The following SUPT3H variants were observed in gnomAD, a reference collection of about 807,000 sequenced individuals.
The protein encoded by SUPT3H is SPT3 homolog, SAGA and STAGA complex component.
SUPT3H carries 44 observed loss-of-function variants against 44.3 expected under a neutral mutation model. That is an observed-to-expected ratio of 0.99 (90% CI 0.78 to 1.28). The LOEUF is 1.28. Ranked by LOEUF, SUPT3H falls within the 50% of genes most tolerant of loss-of-function variation. The pLI is 0.00. For synonymous variants in SUPT3H, 124 were observed against 125.6 expected (o/e 0.99, Z 0.09); for missense variants, 380 against 387.1 (o/e 0.98, Z 0.15).
intron 2 of SUPT3H, among the ~76,000 whole-genome samples, chr6:45,222,560 T>C (rs1018574741): frequency 6.6e-6 from 1 of 152,074 alleles, no homozygotes; most frequent in Non-Finnish European, 1.5e-5. Context: ...GATAAGAATA[T>C]GGAGAAAGTG....
At chr6:45,116,793 T>C (rs1800911070) in intron 2 of SUPT3H, among the ~76,000 whole-genome samples, 1 of 152,128 alleles carries the variant, frequency 6.6e-6, no homozygotes, top group Non-Finnish European at 1.5e-5. Flanking sequence ...TTAGTAAATT[T>C]ACAGGGTTTT....
chr6:45,117,377 CTG>C (rs1562492039), intron 2 of SUPT3H, among the ~76,000 whole-genome samples: 1 of 152,078 alleles, frequency 6.6e-6, no homozygotes, highest in East Asian at 1.9e-4. Flanking sequence ...TACTCTAAAA[CTG>C]TGACATTACC....
chr6:44,892,431 C>G (rs551063183), intron 10 of SUPT3H, among the ~76,000 whole-genome samples: 1 of 152,120 alleles, frequency 6.6e-6, no homozygotes, highest in African/African-American at 2.4e-5. Context: ...CACCCAGCAG[C>G]TTGATCTTGG....
chr6:45,172,355 G>A (rs780545134), intron 2 of SUPT3H, among the ~76,000 whole-genome samples: 1 of 152,024 alleles, frequency 6.6e-6, no homozygotes, highest in Non-Finnish European at 1.5e-5. Context: ...ACAGGCATGA[G>A]CCACTGTGCC....
Position 44,951,187 on chromosome 6 carries a change from T to C in SUPT3H, c.801+2123A>G, listed in dbSNP as rs1182675747. Among the ~76,000 whole-genome samples the C allele has an allele frequency of 2.0e-5, 3 of 152,148 alleles. No homozygotes were observed. In the East Asian group the frequency reaches 5.8e-4, roughly 29 times the overall value. ...CTACCTTATCATAGTCCTATTTTTC[T>C]TTTAACCTTAGCTTTCTCTCTAAAG... On this transcript the variant is annotated intron_variant, in intron 9 of 10. Coordinates refer to ENST00000371459, the MANE Select transcript of SUPT3H (RefSeq NM_003599.4).
chr6:44,988,430 A>G (rs1052848918), intron 6 of SUPT3H, among the ~76,000 whole-genome samples: 3 of 150,454 alleles, frequency 2.0e-5, no homozygotes, highest in Admixed American at 2.0e-4. Context: ...TTTGGAAAAT[A>G]TATATCTATA....
At chr6:44,978,494 A>C (rs572498277) in intron 6 of SUPT3H, among the ~76,000 whole-genome samples, 1 of 152,344 alleles carries the variant, frequency 6.6e-6, no homozygotes, top group Admixed American at 6.5e-5. Flanking sequence ...AGTATACTAC[A>C]AACAGTTTGG....
At chr6:44,915,285 G>T (rs928870115) in intron 10 of SUPT3H, among the ~76,000 whole-genome samples, 2 of 152,182 alleles carry the variant, frequency 1.3e-5, no homozygotes, top group Non-Finnish European at 2.9e-5. Flanking sequence ...GTAACTATCA[G>T]ATGCTAAGAT....
intron 9 of SUPT3H, among the ~76,000 whole-genome samples, chr6:44,937,896 CTA>C (rs1771728383): frequency 1.6e-5 from 2 of 128,474 alleles, no homozygotes; most frequent in African/African-American, 3.0e-5. Flanking sequence ...TCTTTGCTCA[CTA>C]TCTTTTTTTT....
chr6:45,237,488 CTCAAAG>C (rs941063445), intron 2 of SUPT3H, among the ~76,000 whole-genome samples: 2 of 152,052 alleles, frequency 1.3e-5, no homozygotes, highest in African/African-American at 4.8e-5. Context: ...TTGTACAGCC[CTCAAAG>C]TCAAAGTATG....
At chr6:45,272,235 G>A (rs988531355) in intron 2 of SUPT3H, among the ~76,000 whole-genome samples, 3 of 152,166 alleles carry the variant, frequency 2.0e-5, no homozygotes, top group Non-Finnish European at 4.4e-5. Flanking sequence ...AGATTTGGGA[G>A]GGGCTAGGGA....
At chr6:44,899,472 G>A (rs1312220179) in intron 10 of SUPT3H, among the ~76,000 whole-genome samples, 1 of 152,142 alleles carries the variant, frequency 6.6e-6, no homozygotes, top group Non-Finnish European at 1.5e-5. Context: ...CAGATCACGA[G>A]GTCAGGAGTT....
intron 2 of SUPT3H, among the ~76,000 whole-genome samples, chr6:45,162,497 C>A (rs1809176255): frequency 6.6e-6 from 1 of 152,156 alleles, no homozygotes; most frequent in African/African-American, 2.4e-5. Context: ...GCATTCCAGC[C>A]TGGGCAACAG....
intron 3 of SUPT3H, among the ~76,000 whole-genome samples, chr6:45,080,135 A>G (rs1027431218): frequency 2.6e-5 from 4 of 152,194 alleles, no homozygotes; most frequent in Admixed American, 6.5e-5. Flanking sequence ...AAACATGGGC[A>G]AAAGATCTGA....
chr6:44,850,745 C>CATCTATCTATCT (rs56936002), intron 10 of SUPT3H, among the ~76,000 whole-genome samples: 7,745 of 147,458 alleles, frequency 0.053, 228 homozygotes, highest in African/African-American at 0.057. Flanking sequence ...GTTTTATATA[C>CATCTATCTATCT]ATCTATCTAT....
At chr6:44,907,242 C>T (rs1766255994) in intron 10 of SUPT3H, among the ~76,000 whole-genome samples, 1 of 152,126 alleles carries the variant, frequency 6.6e-6, no homozygotes, top group South Asian at 2.1e-4. Context: ...TTTTCACCTC[C>T]TTTACGGGGG....
chr6:45,121,802 A>C (rs987107195), intron 2 of SUPT3H, among the ~76,000 whole-genome samples: 8 of 152,112 alleles, frequency 5.3e-5, no homozygotes, highest in Admixed American at 3.9e-4. Flanking sequence ...CAGTCTCCTG[A>C]GTAGCTGGGA....
At position 45,163,664 on chromosome 6, in the gene SUPT3H, C is replaced by G. The variant is rs188764321; in HGVS notation, c.102-57658G>C. ...CATTGCTATAACCAAGGACCACTAT[C>G]TTTTTACCTTACAGCCCTGCTTTTC... On this transcript the variant is annotated intron_variant, in intron 2 of 10. Coordinates refer to ENST00000371459, the MANE Select transcript of SUPT3H (RefSeq NM_003599.4). Among the ~76,000 whole-genome samples, 408 of 152,236 alleles carry G rather than the reference C, an allele frequency of 2.7e-3. 4 individuals carry two copies. The highest frequency in any genetic ancestry group is 0.017 in the Middle Eastern group (5 of 294).
At chr6:44,994,235 T>A (rs1025053278) in intron 6 of SUPT3H, among the ~76,000 whole-genome samples, 3 of 152,072 alleles carry the variant, frequency 2.0e-5, no homozygotes, top group Non-Finnish European at 2.9e-5. Flanking sequence ...CCTAGAACAG[T>A]GATTGACTTA....
Sources: allele counts gnomAD v4.1 joint callset (sites outside exome capture counted in the v4.1 genomes callset), GRCh38; gene constraint gnomAD v4.1.1; transcripts MANE v1.5; gene names NCBI Gene and HGNC (gene_info 2026-07-23, HGNC 2026-07-21).